The following NRG1 variants were observed in gnomAD, a reference collection of about 807,000 sequenced individuals.
The protein encoded by NRG1 is neuregulin 1, also known as pro-neuregulin-1, membrane-bound isoform.
In NRG1, 18 loss-of-function variants were observed where a neutral mutation model predicts 63.8. The observed-to-expected ratio is 0.28, with a 90% CI of 0.19 to 0.42. The LOEUF (loss-of-function observed/expected upper bound fraction) is 0.42, where lower values mean the gene tolerates loss of function less well. Among genes scored for constraint, NRG1 ranks in the 10% least tolerant of loss-of-function variants. The pLI is 1.00. For synonymous variants in NRG1, 302 were observed against 301.3 expected (o/e 1.00, Z -0.02); for missense variants, 762 against 814.7 (o/e 0.94, Z 0.79).
chr8:32,558,756 GC>G, intron 1 of NRG1, among the ~76,000 whole-genome samples: 1 of 152,106 alleles, frequency 6.6e-6, no homozygotes, highest in East Asian at 1.9e-4. Context: ...TGGCATAGTT[GC>G]TGAGTAATCC....
At chr8:32,677,918 A>G (rs193087669) in intron 5 of NRG1, among the ~76,000 whole-genome samples, 273 of 152,244 alleles carry the variant, frequency 1.8e-3, no homozygotes, top group Non-Finnish European at 3.2e-3. Flanking sequence ...TTCCTATATC[A>G]AGTGTACCTA....
chr8:32,448,524 T>A (rs1258554013), intron 1 of NRG1, among the ~76,000 whole-genome samples: 1 of 152,136 alleles, frequency 6.6e-6, no homozygotes, highest in Non-Finnish European at 1.5e-5. Flanking sequence ...GGATCCAAAG[T>A]CTTTGAGTTG....
chr8:31,982,289 C>CAAA (rs1809261919), intron 1 of NRG1, among the ~76,000 whole-genome samples: 3 of 151,984 alleles, frequency 2.0e-5, no homozygotes, highest in African/African-American at 7.2e-5. Context: ...CTAAGTCTTC[C>CAAA]ATGAGAAAGT....
intron 1 of NRG1, among the ~76,000 whole-genome samples, chr8:32,245,167 A>G (rs867953573): frequency 2.0e-5 from 3 of 152,150 alleles, no homozygotes; most frequent in Non-Finnish European, 4.4e-5. Context: ...CAAAGTTTGA[A>G]TCAAGTAGTT....
At chr8:32,519,758 G>A (rs755603787) in intron 1 of NRG1, among the ~76,000 whole-genome samples, 21 of 152,162 alleles carry the variant, frequency 1.4e-4, no homozygotes, top group Non-Finnish European at 2.6e-4. Flanking sequence ...TTCCTTCCGA[G>A]AGATTTGAAA....
chr8:32,377,782 G>T (rs1239407105), intron 1 of NRG1, among the ~76,000 whole-genome samples: 1 of 152,132 alleles, frequency 6.6e-6, no homozygotes, highest in East Asian at 1.9e-4. Flanking sequence ...GCCTAGAAAT[G>T]TATTTTAGTT....
intron 1 of NRG1, among the ~76,000 whole-genome samples, chr8:31,828,034 A>G (rs1824742216): frequency 6.6e-6 from 1 of 152,240 alleles, no homozygotes; most frequent in African/African-American, 2.4e-5. Context: ...CAGGCACTGA[A>G]TAATTTGAGC....
intron 1 of NRG1, among the ~76,000 whole-genome samples, chr8:32,220,157 T>C (rs1450264689): frequency 6.6e-6 from 1 of 152,212 alleles, no homozygotes; most frequent in African/African-American, 2.4e-5. Context: ...ATTTTTTTTT[T>C]CCTGCAGTTA....
At chr8:32,608,092 G>GTTTTTTTTTGTTTTTTT (rs1845600747) in intron 3 of NRG1, among the ~76,000 whole-genome samples, 3 of 106,156 alleles carry the variant, frequency 2.8e-5, no homozygotes, top group Admixed American at 9.5e-5. Flanking sequence ...GGTTTTTTTT[G>GTTTTTTTTTGTTTTTTT]TTTTTTTTTT....
chr8:32,391,371 T>C (rs1195813349), intron 1 of NRG1, among the ~76,000 whole-genome samples: 9 of 152,084 alleles, frequency 5.9e-5, no homozygotes, highest in Non-Finnish European at 1.3e-4. Flanking sequence ...TTTTTTGACT[T>C]TTATTTTAGG....
intron 1 of NRG1, among the ~76,000 whole-genome samples, chr8:32,303,053 A>G (rs1432841046): frequency 1.3e-5 from 2 of 151,786 alleles, no homozygotes; most frequent in Non-Finnish European, 2.9e-5. Context: ...GTGGTGGCTG[A>G]TGCCTGTAAT....
chr8:31,868,348 G>A (rs1585378364), intron 1 of NRG1, among the ~76,000 whole-genome samples: 2 of 152,104 alleles, frequency 1.3e-5, no homozygotes, highest in South Asian at 4.1e-4. Flanking sequence ...CTGAGGAAAT[G>A]CATAATGGAA....
At chr8:32,184,319 T>A (rs1841748869) in intron 1 of NRG1, among the ~76,000 whole-genome samples, 1 of 152,180 alleles carries the variant, frequency 6.6e-6, no homozygotes, top group Non-Finnish European at 1.5e-5. Context: ...TTGAAAGTGA[T>A]AAAATTTTCC....
At chr8:32,363,214 A>G (rs888299747) in intron 1 of NRG1, among the ~76,000 whole-genome samples, 1 of 152,210 alleles carries the variant, frequency 6.6e-6, no homozygotes. Flanking sequence ...TGAGATGGTT[A>G]TTCACCTCCA....
intron 1 of NRG1, among the ~76,000 whole-genome samples, chr8:32,566,380 C>T (rs1344575785): frequency 6.7e-6 from 1 of 148,574 alleles, no homozygotes; most frequent in Non-Finnish European, 1.5e-5. Context: ...CTTTAGTTCT[C>T]TGGGGCTAAA....
At chr8:32,024,424 GA>G (rs894107624) in intron 1 of NRG1, among the ~76,000 whole-genome samples, 7 of 152,226 alleles carry the variant, frequency 4.6e-5, no homozygotes, top group Non-Finnish European at 8.8e-5. Context: ...AAGGGCAGAG[GA>G]AGGAAGCAAG....
intron 1 of NRG1, among the ~76,000 whole-genome samples, chr8:31,861,750 A>G (rs573929325): frequency 5.3e-5 from 8 of 152,276 alleles, no homozygotes; most frequent in Non-Finnish European, 7.4e-5. Flanking sequence ...TTTCCAAATC[A>G]TCTTTGTAAG....
At chr8:31,742,651 T>G (rs1815415620) in intron 1 of NRG1, among the ~76,000 whole-genome samples, 1 of 151,764 alleles carries the variant, frequency 6.6e-6, no homozygotes, top group Non-Finnish European at 1.5e-5. Flanking sequence ...AGTAGATTAA[T>G]AATAAATGTT....
chr8:32,379,868 G>A (rs1810122584), intron 1 of NRG1, among the ~76,000 whole-genome samples: 1 of 152,012 alleles, frequency 6.6e-6, no homozygotes, highest in South Asian at 2.1e-4. Flanking sequence ...CTTCGTTCAT[G>A]GGATTTCCCC....
Sources: gnomAD v4.1 joint callset for allele counts (sites outside exome capture counted in the v4.1 genomes callset) on GRCh38, gnomAD v4.1.1 for gene constraint, MANE v1.5 for transcripts, NCBI Gene and HGNC (gene_info 2026-07-23, HGNC 2026-07-21) for gene names.